FMNL3: variants seen among roughly 807,000 people sequenced by gnomAD.
FMNL3 encodes formin like 3.
In FMNL3, 57 loss-of-function variants were observed where a neutral mutation model predicts 119.6. That is an observed-to-expected ratio of 0.48 (90% CI 0.39 to 0.59). The LOEUF (loss-of-function observed/expected upper bound fraction) is 0.59, where lower values mean the gene tolerates loss of function less well. Ranked by LOEUF, FMNL3 falls within the 20% of genes least tolerant of loss-of-function variation. The pLI is 0.00. For missense variants in FMNL3, 1,053 were observed against 1,323.5 expected, an observed-to-expected ratio of 0.80 and a Z score of 3.17; for synonymous variants, 491 against 507.3, an observed-to-expected ratio of 0.97 and a Z score of 0.43.
At chr12:49,656,933 A>G in intron 7 of FMNL3, 34 bp from the exon 8 acceptor site, 5 of 1,590,408 alleles carry the variant, frequency 3.1e-6, no homozygotes, top group Non-Finnish European at 4.3e-6. Flanking sequence ...GGGGACCTTG[A>G]TGGTGGGGAA....
intron 5 of FMNL3, among the ~76,000 whole-genome samples, chr12:49,661,313 G>A (rs937723210): frequency 1.3e-5 from 2 of 151,932 alleles, no homozygotes; most frequent in African/African-American, 4.8e-5. Flanking sequence ...CATAGAAGAA[G>A]ACACAAACTT....
In FMNL3 at chr12:49,647,790, T is replaced by C; in HGVS notation, c.2691A>G (p.Ala897=). The stretch of plus-strand genomic sequence containing the variant: ...GACTCTCGCCAAAGTAGCGCACAAC[T>C]GCATTGTAGGCCTCCTGGGGAAGGG... ...DAKTAEEAYN[A]VVRYFGESPK... The change falls in exon 23 of 26, where the codon GCA becomes GCG. Residue 897 remains alanine (A), a synonymous_variant. Transcript: ENST00000335154. The surrounding 1 kb of genome is among the most constrained non-coding windows in gnomAD (Gnocchi z 4.9). 1 of 1,613,958 alleles carries C rather than the reference T, an allele frequency of 6.2e-7. No individual in the cohort carries two copies. Among genetic ancestry groups the C allele is most frequent in the Non-Finnish European group, 8.5e-7 (1 of 1,179,860 alleles).
intron 1 of FMNL3, among the ~76,000 whole-genome samples, chr12:49,682,764 T>A (rs1944369426): frequency 6.6e-6 from 1 of 152,212 alleles, no homozygotes. Context: ...TTCTGTAGGT[T>A]AGAGCAGTTG....
At position 49,647,010 on chromosome 12, in the gene FMNL3, C is replaced by T. The variant is rs1943220754; in HGVS notation, c.2872-1G>A. 6.2e-7 allele frequency: 1 copy of T among 1,601,486 alleles called. No homozygotes were observed. Among genetic ancestry groups the T allele is most frequent in the East Asian group, 2.2e-5 (1 of 44,844 alleles). ...GCCACTTGTTCCGCTGGGATGGGGT[C>T]TAGGGCCAAGAATGTGGAGGGGAAG... On this transcript the variant is annotated splice_acceptor_variant, in intron 24 of 25. Transcript: ENST00000335154. LOFTEE classifies it high-confidence loss of function. The surrounding 1 kb of genome is among the most constrained non-coding windows in gnomAD (Gnocchi z 4.9).
At chr12:49,666,303 G>C in intron 2 of FMNL3, 96 bp from the exon 3 acceptor site, 1 of 1,111,082 alleles carries the variant, frequency 9.0e-7, no homozygotes, top group Non-Finnish European at 1.3e-6. Flanking sequence ...TCAGTGTGAG[G>C]GGGACTCAGC....
chr12:49,698,524 C>CA (rs565413356), intron 1 of FMNL3, among the ~76,000 whole-genome samples: 123 of 139,334 alleles, frequency 8.8e-4, no homozygotes, highest in East Asian at 1.9e-3. Flanking sequence ...TCCCCACCCC[C>CA]AAAAAAAAAA....
At position 49,652,081 on chromosome 12, in the gene FMNL3, G is replaced by C. The variant is rs1487583648; in HGVS notation, c.1455C>G (p.Ala485=). 1.9e-6 allele frequency: 3 copies of C among 1,612,758 alleles called. No homozygotes were observed. Among genetic ancestry groups the C allele is most frequent in the Non-Finnish European group, 1.7e-6 (2 of 1,179,494 alleles). The stretch of plus-strand genomic sequence containing the variant: ...GCTCTGCAGGGCCTACTCTGGCCAG[G>C]GCCTCACTGTCCACAGACTCCAGGC... The part of the protein sequence containing the change: ...VRGLESVDSE[A]LARVGPAELS... Residue 485 remains alanine (A), a synonymous_variant, in exon 14 of 26, where the codon GCC becomes GCG. Coordinates refer to ENST00000335154, the MANE Select transcript of FMNL3 (RefSeq NM_175736.5).
chr12:49,659,798 A>C, intron 5 of FMNL3: 5 of 985,162 alleles, frequency 5.1e-6, no homozygotes, highest in African/African-American at 3.5e-5. Flanking sequence ...TATCATCCTC[A>C]CTTCAGGATA....
At position 49,642,557 on chromosome 12, in the gene FMNL3, C is replaced by G. The variant is rs370590159; in HGVS notation, c.*3258G>C. On this transcript the variant is annotated 3_prime_UTR_variant, in exon 26 of 26. Transcript: ENST00000335154. This position sits in a 1 kb window ranked among gnomAD's most constrained non-coding sequence, Gnocchi z 5.8. ...CAGGCTGAGTGGGGCCTAGTCTGAT[C>G]AGCAGTGCTCTCCTCGTTCAAGGTC... The G allele has an allele frequency of 3.7e-6, 6 of 1,613,186 alleles. No homozygotes were observed. The African/African-American group carries it at 4.0e-5, about 11-fold the overall frequency.
At chr12:49,669,416 TCATC>T (rs1190435865) in intron 1 of FMNL3, among the ~76,000 whole-genome samples, 1 of 152,198 alleles carries the variant, frequency 6.6e-6, no homozygotes, top group Non-Finnish European at 1.5e-5. Context: ...CCTAAGGACT[TCATC>T]CATGGACTAG....
chr12:49,644,056 C>T lies in FMNL3; in HGVS notation c.*1759G>A. On this transcript the variant is annotated 3_prime_UTR_variant, in exon 26 of 26. Coordinates refer to ENST00000335154, the MANE Select transcript of FMNL3 (RefSeq NM_175736.5). ...CAGCACGCTGGTCAAGCTTCCACGG[C>T]CCTTAGTGCAGGCTAAGGGTGAACT... The T allele has an allele frequency of 6.2e-7, 1 of 1,614,176 alleles. No individual in the cohort carries two copies. Among genetic ancestry groups the T allele is most frequent in the Non-Finnish European group, 8.5e-7 (1 of 1,180,028 alleles).
rs1478293860 is a variant in FMNL3, at chr12:49,637,261, T to C, written c.*8554A>G. 2 of 588,956 alleles carry C rather than the reference T, an allele frequency of 3.4e-6. No homozygotes were observed. The highest frequency in any genetic ancestry group is 3.7e-5 in the African/African-American group (2 of 53,728). 36.5% of individuals were successfully genotyped at this position (588,956 alleles called of 1,614,324 possible). ...CGGGACTGGCTTGTTCTCACCTTTT[T>C]GTTCTGTCCCTCTCTGTGTATTTAC... On this transcript the variant is annotated 3_prime_UTR_variant, in exon 26 of 26. Transcript: ENST00000335154.
rs762497372 is a variant in FMNL3 at position 49,639,154 on chromosome 12, G to A, written c.*6661C>T. The A allele has an allele frequency of 6.6e-6, 1 of 152,116 alleles. No homozygotes were observed. The highest frequency in any genetic ancestry group is 1.5e-5 in the Non-Finnish European group (1 of 68,036). The allele number at this position is 152,116 out of a possible 1,614,324, so 9.4% of individuals were successfully genotyped here. ...TCTCTCGTAAGTAATGAGGAACCGG[G>A]GAATGATCAGATTAGATGGTGTATA... On this transcript the variant is annotated 3_prime_UTR_variant, in exon 26 of 26. Transcript: ENST00000335154.
At position 49,637,137 on chromosome 12, in the gene FMNL3, G is replaced by C; in HGVS notation, c.*8678C>G. The C allele has an allele frequency of 3.5e-6, 2 of 576,988 alleles. No individual in the cohort carries two copies. Among genetic ancestry groups the C allele is most frequent in the Non-Finnish European group, 6.1e-6 (2 of 325,812 alleles). 35.7% of individuals were successfully genotyped at this position (576,988 alleles called of 1,614,324 possible). ...AGGCCATGTTTATTTCCCTTGGTGG[G>C]GCACCCGACAGGCAGAGTTTATTCC... On this transcript the variant is annotated 3_prime_UTR_variant, in exon 26 of 26. Coordinates refer to ENST00000335154, the MANE Select transcript of FMNL3 (RefSeq NM_175736.5).
chr12:49,690,267 A>G (rs1045804657), intron 1 of FMNL3, among the ~76,000 whole-genome samples: 2 of 152,208 alleles, frequency 1.3e-5, no homozygotes, highest in African/African-American at 2.4e-5. Flanking sequence ...CCCCAAGTAC[A>G]AGGGAAAGTG....
chr12:49,667,580 C>T (rs1943926364), intron 2 of FMNL3, among the ~76,000 whole-genome samples: 1 of 152,210 alleles, frequency 6.6e-6, no homozygotes, highest in African/African-American at 2.4e-5. Context: ...CACCTACTAG[C>T]ATTAGGCAAG....
intron 1 of FMNL3, among the ~76,000 whole-genome samples, chr12:49,697,587 C>A (rs536295722): frequency 6.6e-6 from 1 of 152,292 alleles, no homozygotes; most frequent in South Asian, 2.1e-4. Flanking sequence ...TCAAAACATC[C>A]TCAAGTGCTT....
intron 5 of FMNL3, among the ~76,000 whole-genome samples, chr12:49,659,328 C>CTGTA (rs1943667166): frequency 1.3e-5 from 2 of 152,186 alleles, no homozygotes; most frequent in Admixed American, 1.3e-4. Flanking sequence ...GACCAGGGTC[C>CTGTA]TGTAGTATAG....
chr12:49,685,223 G>T (rs1429613431), intron 1 of FMNL3, among the ~76,000 whole-genome samples: 2 of 152,166 alleles, frequency 1.3e-5, no homozygotes, highest in Non-Finnish European at 2.9e-5. Flanking sequence ...AGTGGCTCAC[G>T]CCTGTAATCC....
Sources: gnomAD v4.1 joint callset for allele counts (sites outside exome capture counted in the v4.1 genomes callset) on GRCh38, gnomAD v4.1.1 for gene constraint, Gnocchi (gnomAD v3.1) non-coding constraint, MANE v1.5 for transcripts, NCBI Gene and HGNC (gene_info 2026-07-23, HGNC 2026-07-21) for gene names.